The following UBE2D3 variants were observed in gnomAD, a reference collection of about 807,000 sequenced individuals.
UBE2D3 encodes the protein ubiquitin conjugating enzyme E2 D3.
UBE2D3 carries 2 observed loss-of-function variants against 22.8 expected under a neutral mutation model. That is an observed-to-expected ratio of 0.09 (90% CI 0.04 to 0.28). The LOEUF (loss-of-function observed/expected upper bound fraction) is 0.28. Ranked by LOEUF, UBE2D3 falls within the 10% of genes least tolerant of loss-of-function variation. The pLI, the probability that UBE2D3 is intolerant of heterozygous loss-of-function variation, is 1.00. For missense variants in UBE2D3, 27 were observed against 182.5 expected (o/e 0.15, Z 4.91); for synonymous variants, 56 against 60.4 (o/e 0.93, Z 0.34).
Position 102,797,208 on chromosome 4 carries a change from G to T in UBE2D3, c.*207C>A. ...ACTGTTCTCTTGTAACTACTTTACA[G>T]TTTCTAAAAGCAGTTATTGTCCAAA... On this transcript the variant is annotated 3_prime_UTR_variant, in exon 8 of 8. Transcript: ENST00000453744. 1 of 452,064 alleles carries T rather than the reference G, an allele frequency of 2.2e-6. No individual in the cohort carries two copies. Among genetic ancestry groups the T allele is most frequent in the Non-Finnish European group, 4.0e-6 (1 of 252,270 alleles). The allele number at this position is 452,064 out of a possible 1,614,324, so 28.0% of individuals were successfully genotyped here.
intron 6 of UBE2D3, among the ~76,000 whole-genome samples, chr4:102,800,684 A>G (rs917080910): frequency 4.6e-5 from 7 of 152,062 alleles, no homozygotes; most frequent in Admixed American, 2.6e-4. Flanking sequence ...TCTACTCAAT[A>G]AAGTTTGGGA....
At chr4:102,827,591 C>T, upstream of UBE2D3, 1 of 987,252 alleles carries the variant, frequency 1.0e-6, no homozygotes, top group Non-Finnish European at 1.2e-6. Flanking sequence ...CCTCCTCCTG[C>T]CTCTTCACCG....
upstream of UBE2D3, chr4:102,828,072 C>T: frequency 1.0e-6 from 1 of 985,442 alleles, no homozygotes; most frequent in Non-Finnish European, 1.2e-6. Context: ...TGCATAAGTT[C>T]TCGCGAGACG....
upstream of UBE2D3, chr4:102,827,753 G>A (rs928866144): frequency 1.0e-6 from 1 of 985,952 alleles, no homozygotes; most frequent in Non-Finnish European, 1.2e-6. Flanking sequence ...TAAACAGATC[G>A]GAGATTGGAC....
intron 2 of UBE2D3, 155 bp from the exon 3 acceptor site, chr4:102,810,010 C>A: frequency 1.5e-6 from 1 of 686,474 alleles, no homozygotes; most frequent in Non-Finnish European, 2.5e-6. Flanking sequence ...AGAGAACATG[C>A]CTGAACATAT....
intron 1 of UBE2D3, among the ~76,000 whole-genome samples, chr4:102,846,826 T>A (rs955985463): frequency 6.6e-6 from 1 of 151,468 alleles, no homozygotes; most frequent in Admixed American, 6.6e-5. Context: ...TTTTTTTTTT[T>A]AGAGACAGAG....
intron 1 of UBE2D3, among the ~76,000 whole-genome samples, chr4:102,857,942 T>C (rs1378173991): frequency 6.6e-6 from 1 of 151,974 alleles, no homozygotes; most frequent in African/African-American, 2.4e-5. Flanking sequence ...TCCACCTGCC[T>C]TGGCCTCCCA....
intron 1 of UBE2D3, among the ~76,000 whole-genome samples, chr4:102,854,329 C>G (rs1732529359): frequency 6.6e-6 from 1 of 151,990 alleles, no homozygotes. Context: ...TAAATGTCAA[C>G]TAGATCCAGT....
chr4:102,818,210 A>C (rs1729052786), intron 2 of UBE2D3, among the ~76,000 whole-genome samples: 1 of 152,240 alleles, frequency 6.6e-6, no homozygotes, highest in African/African-American at 2.4e-5. Flanking sequence ...ACTAAGATCA[A>C]GCACATACAA....
At chr4:102,837,445 T>C (rs142050514) in intron 1 of UBE2D3, among the ~76,000 whole-genome samples, 2 of 152,360 alleles carry the variant, frequency 1.3e-5, no homozygotes, top group African/African-American at 4.8e-5. Flanking sequence ...GCAGCCCATA[T>C]TGTGCAAGTT....
At chr4:102,809,281 A>AT in intron 4 of UBE2D3, 1 of 245,598 alleles carries the variant, frequency 4.1e-6, no homozygotes, top group Non-Finnish European at 8.6e-6. Context: ...ATTAAGCTAG[A>AT]TTATTGGCAG....
intron 1 of UBE2D3, among the ~76,000 whole-genome samples, chr4:102,855,273 G>A (rs1183825315): frequency 6.6e-6 from 1 of 152,188 alleles, no homozygotes; most frequent in East Asian, 1.9e-4. Flanking sequence ...ATTAGAAGGG[G>A]TAGTAGATAA....
chr4:102,826,620 C>A lies in UBE2D3; in HGVS notation c.-112G>T. On this transcript the variant is annotated 5_prime_UTR_variant, in exon 2 of 8. Coordinates refer to ENST00000453744, the MANE Select transcript of UBE2D3 (RefSeq NM_181891.3). ...AGGATTGTCTCGTCTCACACCAGCT[C>A]TGCCAGACACAGGCGCCTTTTGCAA... 1.3e-6 allele frequency: 2 copies of A among 1,585,878 alleles called. No individual in the cohort carries two copies. The highest frequency in any genetic ancestry group is 1.1e-5 in the South Asian group (1 of 90,304).
chr4:102,799,836 G>GC (rs1300843376), intron 6 of UBE2D3, among the ~76,000 whole-genome samples: 1 of 146,500 alleles, frequency 6.8e-6, no homozygotes, highest in South Asian at 2.3e-4. Context: ...AGTGGCTGGG[G>GC]GGGGGGGGAC....
chr4:102,816,760 T>C (rs894831906), intron 2 of UBE2D3, among the ~76,000 whole-genome samples: 1 of 152,184 alleles, frequency 6.6e-6, no homozygotes, highest in African/African-American at 2.4e-5. Flanking sequence ...TTTAAATCCA[T>C]TTCTAAAATG....
chr4:102,854,813 G>C (rs899229763), intron 1 of UBE2D3, among the ~76,000 whole-genome samples: 2 of 152,176 alleles, frequency 1.3e-5, no homozygotes, highest in Admixed American at 1.3e-4. Context: ...AAAGCTTGAG[G>C]AATAAGATCA....
intron 1 of UBE2D3, among the ~76,000 whole-genome samples, chr4:102,868,243 T>C (rs1733262987): frequency 6.6e-6 from 1 of 150,778 alleles, no homozygotes; most frequent in Non-Finnish European, 1.5e-5. Context: ...CTAATTTTTC[T>C]ATTTTTAGTA....
intron 1 of UBE2D3, among the ~76,000 whole-genome samples, chr4:102,840,263 A>C (rs112995287): frequency 0.012 from 1,824 of 152,344 alleles, 21 homozygotes; most frequent in African/African-American, 0.036. Context: ...ATTCAAAGGA[A>C]AAGAAATCAG....
At chr4:102,822,308 G>A (rs1245449637) in intron 2 of UBE2D3, among the ~76,000 whole-genome samples, 2 of 152,168 alleles carry the variant, frequency 1.3e-5, no homozygotes, top group African/African-American at 4.8e-5. Flanking sequence ...CAGAAAGTGA[G>A]CTGGCTATCA....
Sources: allele counts gnomAD v4.1 joint callset (sites outside exome capture counted in the v4.1 genomes callset), GRCh38; gene constraint gnomAD v4.1.1; transcripts MANE v1.5; gene names NCBI Gene and HGNC (gene_info 2026-07-23, HGNC 2026-07-21).